The following DAZAP1 variants were observed in gnomAD, a reference collection of about 807,000 sequenced individuals.
The protein encoded by DAZAP1 is DAZ associated protein 1.
A neutral mutation model predicts 60.1 loss-of-function variants in DAZAP1; 6 were observed. The observed-to-expected ratio is 0.10, with a 90% CI of 0.05 to 0.20. The LOEUF is 0.20. Among genes scored for constraint, DAZAP1 ranks in the 10% least tolerant of loss-of-function variants. The pLI is 1.00. For missense variants in DAZAP1, 366 were observed against 560.4 expected, an observed-to-expected ratio of 0.65 and a Z score of 3.50; for synonymous variants, 235 against 215.9, an observed-to-expected ratio of 1.09 and a Z score of -0.78.
chr19:1,434,917 C>G lies in DAZAP1; in HGVS notation c.*5C>G, dbSNP rs531513487. The G allele has an allele frequency of 7.0e-7, 1 of 1,437,248 alleles. No homozygotes were observed. The highest frequency in any genetic ancestry group is 9.1e-7 in the Non-Finnish European group (1 of 1,093,092). The allele number at this position is 1,437,248 out of a possible 1,614,324, so 89.0% of individuals were successfully genotyped here. A position where few individuals can be genotyped will look rare whatever the true frequency, so the allele number is the denominator to read the frequency against. On this transcript the variant is annotated 3_prime_UTR_variant, in exon 12 of 12. Transcript: ENST00000233078. The surrounding 1 kb of genome is among the most constrained non-coding windows in gnomAD (Gnocchi z 8.0). ...TTCCACCCCTACCGACGCTAGCCCGCGGCGCCGCGACGTCTGCACGGCCCA... is the reference window on the plus strand; with the variant it reads ...TTCCACCCCTACCGACGCTAGCCCGGGGCGCCGCGACGTCTGCACGGCCCA...
intron 5 of DAZAP1, 58 bp downstream of exon 5, chr19:1,421,316 T>C: frequency 2.7e-6 from 4 of 1,480,982 alleles, no homozygotes; most frequent in Non-Finnish European, 3.7e-6. Flanking sequence ...TGCTCAGGCC[T>C]GGGCCTTCTT....
Position 1,433,000 on chromosome 19 carries a change from TCTA to T in DAZAP1, c.1048+311_1048+313del. On this transcript the variant is annotated intron_variant, in intron 11 of 11. Coordinates refer to ENST00000233078, the MANE Select transcript of DAZAP1 (RefSeq NM_018959.4). The surrounding 1 kb of genome is among the most constrained non-coding windows in gnomAD (Gnocchi z 4.9). The stretch of plus-strand genomic sequence containing the variant: ...GAGTCGCAGGCAGCTGTGATCACTG[TCTA>T]GAGGTTCAGGCCCTCGGTGTGGGTC... The T allele has an allele frequency of 2.9e-6, 1 of 347,504 alleles. No individual in the cohort carries two copies. Among genetic ancestry groups the T allele is most frequent in the East Asian group, 6.0e-5 (1 of 16,574 alleles). 21.5% of individuals were successfully genotyped at this position (347,504 alleles called of 1,614,324 possible). A position where few individuals can be genotyped will look rare whatever the true frequency, so the allele number is the denominator to read the frequency against.
rs1479788959 is a variant in DAZAP1 at position 1,426,917 on chromosome 19, A to G, written c.546+957A>G. The G allele has an allele frequency of 6.6e-6, 1 of 152,164 alleles. No homozygotes were observed. Among genetic ancestry groups the G allele is most frequent in the African/African-American group, 2.4e-5 (1 of 41,428 alleles). 9.4% of individuals were successfully genotyped at this position (152,164 alleles called of 1,614,324 possible). On this transcript the variant is annotated intron_variant, in intron 7 of 11. Coordinates refer to ENST00000233078, the MANE Select transcript of DAZAP1 (RefSeq NM_018959.4). The surrounding 1 kb of genome is among the most constrained non-coding windows in gnomAD (Gnocchi z 5.4). ...TGACAGGGCCATGGTTGTTTTTTCA[A>G]TTAAAATGTCCTGGAGGGAGCATCG... is the stretch of plus-strand genomic sequence containing the variant.
In DAZAP1 at chr19:1,423,251, G is replaced by A. The variant is rs1274061731; in HGVS notation, c.463+855G>A. On this transcript the variant is annotated intron_variant, in intron 6 of 11. Transcript: ENST00000233078. The surrounding 1 kb of genome is among the most constrained non-coding windows in gnomAD (Gnocchi z 6.8). ...TGAACCTCCCTCCCCACGGTTAGGA[G>A]TGCTCCTCCTCCATGTCGGTTACGC... Among the ~76,000 whole-genome samples, 1 of 152,238 alleles carries A rather than the reference G, an allele frequency of 6.6e-6. No homozygotes were observed. The highest frequency in any genetic ancestry group is 1.9e-4 in the East Asian group (1 of 5,200).
Position 1,422,342 on chromosome 19 carries a change from T to A in DAZAP1, c.415-6T>A. The A allele has an allele frequency of 1.2e-6, 2 of 1,613,956 alleles. No individual in the cohort carries two copies. Among genetic ancestry groups the A allele is most frequent in the Non-Finnish European group, 1.7e-6 (2 of 1,179,914 alleles). ...TGTCCGTGCTGACGCCACCCTCTCC[T>A]TCCAGGTCACGGAGGTAGTCATGAT... On this transcript the variant is annotated splice_polypyrimidine_tract_variant and splice_region_variant and intron_variant, in intron 5 of 11. Transcript: ENST00000233078. The surrounding 1 kb of genome is among the most constrained non-coding windows in gnomAD (Gnocchi z 4.5).
At chr19:1,430,169 A>C in intron 9 of DAZAP1, 53 bp from the exon 10 acceptor site, 1 of 1,563,352 alleles carries the variant, frequency 6.4e-7, no homozygotes, top group Non-Finnish European at 8.7e-7. Flanking sequence ...AACTGTGGCC[A>C]GTCTGTGTTG....
chr19:1,432,078 G>C lies in DAZAP1; in HGVS notation c.872-436G>C, dbSNP rs1463923435. On this transcript the variant is annotated intron_variant, in intron 10 of 11. Transcript: ENST00000233078. This position sits in a 1 kb window ranked among gnomAD's most constrained non-coding sequence, Gnocchi z 4.9. ...ATATCCAGCAACAGAGGGCAAGGGC[G>C]GCAGCACCTCCAGCATGACAGTCCC... 3 of 179,018 alleles carry C rather than the reference G, an allele frequency of 1.7e-5. No individual in the cohort carries two copies. The highest frequency in any genetic ancestry group is 7.2e-5 in the African/African-American group (3 of 41,766). 11.1% of individuals were successfully genotyped at this position (179,018 alleles called of 1,614,324 possible).
intron 1 of DAZAP1, 67 bp from the exon 2 acceptor site, chr19:1,417,433 G>A (rs1173076020): frequency 6.5e-7 from 1 of 1,540,216 alleles, no homozygotes; most frequent in Non-Finnish European, 8.8e-7. Context: ...CCTCAGCTTG[G>A]CTTGGATGGG....
In DAZAP1 at chr19:1,418,396, C is replaced by T. The variant is rs2083048850; in HGVS notation, c.237+26C>T. On this transcript the variant is annotated intron_variant, in intron 3 of 11. Coordinates refer to ENST00000233078, the MANE Select transcript of DAZAP1 (RefSeq NM_018959.4). The surrounding 1 kb of genome is among the most constrained non-coding windows in gnomAD (Gnocchi z 5.7). The stretch of plus-strand genomic sequence containing the variant: ...GTAAGTGCCCTTCCGGGAGCTCACA[C>T]CCGCTCTCTGTCTCCCCTGTCCTTC... 6.2e-7 allele frequency: 1 copy of T among 1,607,036 alleles called. No individual in the cohort carries two copies. Among genetic ancestry groups the T allele is most frequent in the African/African-American group, 1.3e-5 (1 of 74,902 alleles).
chr19:1,415,963 A>G (rs1473637185), intron 1 of DAZAP1: 1 of 152,068 alleles, frequency 6.6e-6, no homozygotes, highest in Non-Finnish European at 1.5e-5. Context: ...TTTGTTTTTC[A>G]CACACTAAAT....
chr19:1,421,900 A>G (rs1432976587), intron 5 of DAZAP1, among the ~76,000 whole-genome samples: 1 of 152,078 alleles, frequency 6.6e-6, no homozygotes, highest in East Asian at 1.9e-4. Flanking sequence ...GGCCTGGAAG[A>G]GCAGGGTCTG....
At position 1,430,375 on chromosome 19, in the gene DAZAP1, G is replaced by C. The variant is rs776052349; in HGVS notation, c.871+13G>C. The C allele has an allele frequency of 6.7e-7, 1 of 1,486,068 alleles. No homozygotes were observed. The allele number at this position is 1,486,068 out of a possible 1,614,324, so 92.1% of individuals were successfully genotyped here. On this transcript the variant is annotated intron_variant, in intron 10 of 11. Transcript: ENST00000233078. Reference sequence around the variant, plus strand: ...CCGCCACAGTTCAGTAAGTCTAGGGGGCCTTGTGGGAGGGCCTCCCGCCTG... The same window carrying C: ...CCGCCACAGTTCAGTAAGTCTAGGGCGCCTTGTGGGAGGGCCTCCCGCCTG...
At chr19:1,417,889 C>A (rs1379885632) in intron 2 of DAZAP1, among the ~76,000 whole-genome samples, 1 of 151,600 alleles carries the variant, frequency 6.6e-6, no homozygotes, top group African/African-American at 2.4e-5. Flanking sequence ...AAAGTCGGCG[C>A]TCCTTGGCCA....
rs536616288 is a variant in DAZAP1, at chr19:1,434,166, G to C, written c.1049-571G>C. 3 of 285,970 alleles carry C rather than the reference G, an allele frequency of 1.0e-5. No homozygotes were observed. The highest frequency in any genetic ancestry group is 9.7e-5 in the Admixed American group (2 of 20,574). 17.7% of individuals were successfully genotyped at this position (285,970 alleles called of 1,614,324 possible). ...CTGAGGTCGGCTGTGTGGGCCGGACGGGCTGCAGGGTGTGCTGGCCCCTCA... is the reference window on the plus strand; with the variant it reads ...CTGAGGTCGGCTGTGTGGGCCGGACCGGCTGCAGGGTGTGCTGGCCCCTCA... On this transcript the variant is annotated intron_variant, in intron 11 of 11. Coordinates refer to ENST00000233078, the MANE Select transcript of DAZAP1 (RefSeq NM_018959.4). This position sits in a 1 kb window ranked among gnomAD's most constrained non-coding sequence, Gnocchi z 8.0.
At chr19:1,411,638 G>T (rs1569036748) in intron 1 of DAZAP1, among the ~76,000 whole-genome samples, 1 of 152,214 alleles carries the variant, frequency 6.6e-6, no homozygotes, top group East Asian at 1.9e-4. Flanking sequence ...CTCCCCAGTG[G>T]CCCAGAGCTA....
At chr19:1,430,784 A>G (rs534159944) in intron 10 of DAZAP1, among the ~76,000 whole-genome samples, 14 of 145,492 alleles carry the variant, frequency 9.6e-5, no homozygotes, top group Non-Finnish European at 2.0e-4. Context: ...GCAGTGGCGC[A>G]ATCGCGGCTC....
At chr19:1,408,544 C>T (rs925633706) in intron 1 of DAZAP1, among the ~76,000 whole-genome samples, 1 of 152,232 alleles carries the variant, frequency 6.6e-6, no homozygotes, top group Admixed American at 6.5e-5. Context: ...CCCACCCCCC[C>T]AAAGTGGTAA....
In DAZAP1 at chr19:1,434,128, G is replaced by T. The variant is rs890856886; in HGVS notation, c.1049-609G>T. 1.0e-5 allele frequency: 4 copies of T among 390,914 alleles called. No individual in the cohort carries two copies. The highest frequency in any genetic ancestry group is 8.2e-5 in the Admixed American group (2 of 24,250). The allele number at this position is 390,914 out of a possible 1,614,324, so 24.2% of individuals were successfully genotyped here. A position where few individuals can be genotyped will look rare whatever the true frequency, so the allele number is the denominator to read the frequency against. On this transcript the variant is annotated intron_variant, in intron 11 of 11. Coordinates refer to ENST00000233078, the MANE Select transcript of DAZAP1 (RefSeq NM_018959.4). This position sits in a 1 kb window ranked among gnomAD's most constrained non-coding sequence, Gnocchi z 8.0. ...GCAGCTCTGTCCTTGTAAAGACACCGCTGTCCATGCTCCTGAGGTCGGCTG... is the reference window on the plus strand; with the variant it reads ...GCAGCTCTGTCCTTGTAAAGACACCTCTGTCCATGCTCCTGAGGTCGGCTG...
In DAZAP1 at chr19:1,433,970, C is replaced by T. The variant is rs749087439; in HGVS notation, c.1049-767C>T. 1.4e-6 allele frequency: 1 copy of T among 721,692 alleles called. No individual in the cohort carries two copies. Among genetic ancestry groups the T allele is most frequent in the Non-Finnish European group, 2.3e-6 (1 of 435,118 alleles). 44.7% of individuals were successfully genotyped at this position (721,692 alleles called of 1,614,324 possible). On this transcript the variant is annotated intron_variant, in intron 11 of 11. Coordinates refer to ENST00000233078, the MANE Select transcript of DAZAP1 (RefSeq NM_018959.4). This position sits in a 1 kb window ranked among gnomAD's most constrained non-coding sequence, Gnocchi z 6.1. ...CTTGCCGGTGCCAAGACATTGGCCA[C>T]AAGCCTTCAGCGGGCCCAGGATCCC...
Sources: allele counts gnomAD v4.1 joint callset (sites outside exome capture counted in the v4.1 genomes callset), GRCh38; gene constraint gnomAD v4.1.1; non-coding constraint Gnocchi (gnomAD v3.1); transcripts MANE v1.5; gene names NCBI Gene and HGNC (gene_info 2026-07-23, HGNC 2026-07-21).